The following SGK3 variants were observed in gnomAD, a reference collection of about 807,000 sequenced individuals.
The protein encoded by SGK3 is serum/glucocorticoid regulated kinase family member 3.
SGK3 carries 47 observed loss-of-function variants against 68.5 expected under a neutral mutation model. The observed-to-expected ratio is 0.69, with a 90% CI of 0.54 to 0.87. The LOEUF (loss-of-function observed/expected upper bound fraction) is 0.87. Ranked by LOEUF, SGK3 falls within the 40% of genes least tolerant of loss-of-function variation. The pLI is 0.00. For synonymous variants in SGK3, 181 were observed against 189.1 expected (o/e 0.96, Z 0.35); for missense variants, 479 against 575.5 (o/e 0.83, Z 1.72).
intron 1 of SGK3, among the ~76,000 whole-genome samples, chr8:66,738,927 G>A (rs185300700): frequency 0.018 from 2,798 of 152,264 alleles, 63 homozygotes; most frequent in South Asian, 0.044. Flanking sequence ...ACTGCGCCCA[G>A]CCTAGAGTCA....
chr8:66,714,380 T>G (rs1266197202), intron 1 of SGK3, among the ~76,000 whole-genome samples: 1 of 152,216 alleles, frequency 6.6e-6, no homozygotes, highest in Non-Finnish European at 1.5e-5. Flanking sequence ...TCTTCAAATG[T>G]GCACCATTAG....
chr8:66,822,486 T>TA, intron 6 of SGK3, 27 bp downstream of exon 6: 1 of 1,596,912 alleles, frequency 6.3e-7, no homozygotes, highest in Non-Finnish European at 8.5e-7. Flanking sequence ...CCTTTCTTAA[T>TA]AGAAAAAATA....
At chr8:66,850,200 C>T (rs1483302450) in intron 15 of SGK3, among the ~76,000 whole-genome samples, 1 of 152,160 alleles carries the variant, frequency 6.6e-6, no homozygotes, top group Non-Finnish European at 1.5e-5. Context: ...TTAATTCTTA[C>T]TCATTTTTCA....
chr8:66,713,764 G>A (rs1246153707), intron 1 of SGK3, among the ~76,000 whole-genome samples: 1 of 152,072 alleles, frequency 6.6e-6, no homozygotes, highest in Non-Finnish European at 1.5e-5. Context: ...ATATTATAGC[G>A]GTTCTAGCAA....
At chr8:66,777,309 C>G (rs1806752112) in intron 1 of SGK3, among the ~76,000 whole-genome samples, 1 of 152,162 alleles carries the variant, frequency 6.6e-6, no homozygotes, top group Non-Finnish European at 1.5e-5. Flanking sequence ...AGCGTAAGTT[C>G]CATGTGGGTA....
chr8:66,777,833 A>C (rs1806773227), intron 1 of SGK3: 1 of 152,276 alleles, frequency 6.6e-6, no homozygotes, highest in African/African-American at 2.4e-5. Context: ...AGGTTTGTAA[A>C]TATGACAGTA....
chr8:66,818,613 T>C (rs905351331), intron 5 of SGK3, among the ~76,000 whole-genome samples: 1 of 152,218 alleles, frequency 6.6e-6, no homozygotes, highest in Non-Finnish European at 1.5e-5. Flanking sequence ...CCAGCCTGAC[T>C]TTTAACAAAA....
At chr8:66,734,148 A>G (rs1293218541) in intron 1 of SGK3, among the ~76,000 whole-genome samples, 3 of 150,878 alleles carry the variant, frequency 2.0e-5, no homozygotes, top group Non-Finnish European at 4.4e-5. Context: ...TTTTTGTTGT[A>G]TTACTTTCTG....
chr8:66,726,144 C>T (rs915812998), intron 1 of SGK3, among the ~76,000 whole-genome samples: 2 of 152,132 alleles, frequency 1.3e-5, no homozygotes, highest in South Asian at 4.1e-4. Flanking sequence ...TGTATTTTAC[C>T]TCTCAGAGAA....
chr8:66,798,635 C>T lies in SGK3; in HGVS notation c.180+10C>T, dbSNP rs768391680. 28 of 1,574,784 alleles carry T rather than the reference C, an allele frequency of 1.8e-5. No individual in the cohort carries two copies. The highest frequency in any genetic ancestry group is 2.4e-5 in the South Asian group (2 of 83,744). ...TAAACTTTATAACACTGTAAGTAAT[C>T]GTCTACAAGATTTCTAATTAAAAGA... On this transcript the variant is annotated intron_variant, in intron 3 of 16. Transcript: ENST00000521198.
chr8:66,788,312 G>A (rs1807292313), intron 1 of SGK3, among the ~76,000 whole-genome samples: 3 of 152,168 alleles, frequency 2.0e-5, no homozygotes, highest in Non-Finnish European at 2.9e-5. Context: ...CTCTGTTCAC[G>A]ATGGGCTGTT....
At chr8:66,728,893 G>A (rs1002266467) in intron 1 of SGK3, among the ~76,000 whole-genome samples, 2 of 151,634 alleles carry the variant, frequency 1.3e-5, no homozygotes, top group African/African-American at 2.4e-5. Context: ...TCCAGCCTGG[G>A]CAACAGAGCG....
At chr8:66,782,764 T>C (rs1023156787) in intron 1 of SGK3, among the ~76,000 whole-genome samples, 2 of 152,226 alleles carry the variant, frequency 1.3e-5, no homozygotes, top group Non-Finnish European at 2.9e-5. Context: ...TTTCACATAG[T>C]GATATGCATT....
chr8:66,745,195 A>G (rs1267560612), intron 1 of SGK3, among the ~76,000 whole-genome samples: 1 of 151,480 alleles, frequency 6.6e-6, no homozygotes, highest in Non-Finnish European at 1.5e-5. Context: ...GTTTGTTTTC[A>G]CTTTGATCCT....
chr8:66,782,425 C>T lies in SGK3; in HGVS notation c.-121-11191C>T, dbSNP rs62512659. 3.8e-3 allele frequency among the ~76,000 whole-genome samples: 578 copies of T among 152,002 alleles called. 2 individuals are homozygous for T. The highest frequency in any genetic ancestry group is 6.3e-3 in the Non-Finnish European group (426 of 67,960). ...ACACATGTCCAGCACTCCCCATTGT[C>T]AATATCCCCCACCAGAGTGGTACAT... On this transcript the variant is annotated intron_variant, in intron 1 of 16. Coordinates refer to ENST00000521198, the MANE Select transcript of SGK3 (RefSeq NM_001033578.3).
intron 1 of SGK3, among the ~76,000 whole-genome samples, chr8:66,763,065 A>G (rs1806219240): frequency 6.6e-6 from 1 of 152,254 alleles, no homozygotes. Context: ...TCATTGCAAA[A>G]TGGCAGCATT....
chr8:66,767,500 A>C, intron 1 of SGK3: 1 of 1,504,388 alleles, frequency 6.6e-7, no homozygotes, highest in Non-Finnish European at 9.2e-7. Flanking sequence ...TGGAGAGGGC[A>C]TCTTCAAAGG....
At chr8:66,736,947 A>T (rs1805334609) in intron 1 of SGK3, among the ~76,000 whole-genome samples, 2 of 149,740 alleles carry the variant, frequency 1.3e-5, no homozygotes, top group African/African-American at 5.1e-5. Context: ...AAAATTTTTA[A>T]AAAAATATTT....
chr8:66,794,775 T>G (rs1248455719), intron 2 of SGK3, among the ~76,000 whole-genome samples: 1 of 152,212 alleles, frequency 6.6e-6, no homozygotes, highest in Non-Finnish European at 1.5e-5. Context: ...GGTAGCCTGG[T>G]GAAGCCTCTT....
Sources: gnomAD v4.1 joint callset for allele counts (sites outside exome capture counted in the v4.1 genomes callset) on GRCh38, gnomAD v4.1.1 for gene constraint, MANE v1.5 for transcripts, NCBI Gene and HGNC (gene_info 2026-07-23, HGNC 2026-07-21) for gene names.